PCM1: variants seen among roughly 807,000 people sequenced by gnomAD.
The protein encoded by PCM1 is pericentriolar material 1.
Under a neutral mutation model 241.9 loss-of-function variants are expected in PCM1, and 157 were observed. The observed-to-expected ratio is 0.65, with a 90% CI of 0.57 to 0.74. The LOEUF (loss-of-function observed/expected upper bound fraction) is 0.74, where lower values mean the gene tolerates loss of function less well. PCM1 is among the 30% of genes least tolerant of loss of function. PCM1 has a pLI of 0.00. For missense variants in PCM1, 3,478 were observed against 2,360.1 expected (o/e 1.47, Z -9.81); for synonymous variants, 1,085 against 784.9 (o/e 1.38, Z -6.39).
Position 17,960,383 on chromosome 8 carries a change from A to G in PCM1, c.2261A>G (p.Lys754Arg), listed in dbSNP as rs2071129403. 6.2e-7 allele frequency: 1 copy of G among 1,609,270 alleles called. No individual in the cohort carries two copies. Among genetic ancestry groups the G allele is most frequent in the South Asian group, 1.1e-5 (1 of 89,718 alleles). ...CTAAAACAATTGCAGGAAGAAAGAAAGAAACTGATTGACATTCAGGAGAAA... is the reference window on the plus strand; with the variant it reads ...CTAAAACAATTGCAGGAAGAAAGAAGGAAACTGATTGACATTCAGGAGAAA... The part of the protein sequence containing the change: ...RELKQLQEER[K>R]KLIDIQEKIQ... The change falls in exon 15 of 39, where the codon AAG becomes AGG. Residue 754 changes from lysine (K) to arginine (R), a missense_variant. Coordinates refer to ENST00000325083, the MANE Select transcript of PCM1 (RefSeq NM_006197.4).
rs1321934197 is a variant in PCM1 at position 17,955,546 on chromosome 8, T to C, written c.1365T>C (p.Asn455=). The C allele has an allele frequency of 6.2e-7, 1 of 1,613,770 alleles. No individual in the cohort carries two copies. Among genetic ancestry groups the C allele is most frequent in the Non-Finnish European group, 8.5e-7 (1 of 1,179,720 alleles). Residue 455 remains asparagine, a synonymous_variant, in exon 10 of 39, where the codon AAT becomes AAC. Coordinates refer to ENST00000325083, the MANE Select transcript of PCM1 (RefSeq NM_006197.4). ...CTGTAGGCTTGGCACCGGTTGTCAA[T>C]GGAGAATCCAATAGCCTCACATCAT... ...SASVGLAPVV[N]GESNSLTSSV...
At chr8:17,950,552 C>G in intron 7 of PCM1, 63 bp from the exon 8 acceptor site, 2 of 818,878 alleles carry the variant, frequency 2.4e-6, no homozygotes, top group Non-Finnish European at 3.9e-6. Context: ...TTTTTAGCTT[C>G]TCAGAGATTA....
At chr8:17,927,662 T>C in intron 2 of PCM1, 1 of 152,316 alleles carries the variant, frequency 6.6e-6, no homozygotes, top group Non-Finnish European at 1.5e-5. Context: ...GTGATTCTCC[T>C]GCCTCAGCCT....
chr8:17,945,781 A>G (rs970874269), intron 6 of PCM1, among the ~76,000 whole-genome samples: 4 of 150,916 alleles, frequency 2.7e-5, no homozygotes, highest in Non-Finnish European at 5.9e-5. Context: ...GCAAGTGTAG[A>G]TCAGTGCATT....
chr8:18,021,188 C>T (rs1300384901), intron 36 of PCM1, among the ~76,000 whole-genome samples: 1 of 152,104 alleles, frequency 6.6e-6, no homozygotes, highest in African/African-American at 2.4e-5. Context: ...CAGTGAAGGC[C>T]CAGACAGCCA....
At chr8:17,993,979 T>C (rs2085696033) in intron 29 of PCM1, among the ~76,000 whole-genome samples, 1 of 152,180 alleles carries the variant, frequency 6.6e-6, no homozygotes, top group Non-Finnish European at 1.5e-5. Flanking sequence ...CAATATGTAA[T>C]AATCACATCA....
intron 32 of PCM1, 55 bp downstream of exon 32, chr8:18,010,723 C>G (rs1564365379): frequency 1.5e-6 from 2 of 1,311,770 alleles, no homozygotes; most frequent in South Asian, 1.3e-5. Context: ...TGGCTCACCC[C>G]CGTAATCGCA....
chr8:17,972,451 C>T lies in PCM1; in HGVS notation c.3707C>T (p.Thr1236Ile). The T allele has an allele frequency of 6.2e-7, 1 of 1,613,152 alleles. No homozygotes were observed. Among genetic ancestry groups the T allele is most frequent in the Non-Finnish European group, 8.5e-7 (1 of 1,179,514 alleles). The change falls in exon 23 of 39, where the codon ACA becomes ATA. Residue 1236 changes from threonine to isoleucine, a missense_variant. Coordinates refer to ENST00000325083, the MANE Select transcript of PCM1 (RefSeq NM_006197.4). The part of the protein sequence containing the change: ...TGFSVSVEKS[T>I]SSNRKNQLDT... ...TTTTCAGTGTCTGTAGAAAAATCTACAAGTAGTAACCGCAAAAATCAATTA... is the reference window on the plus strand; with the variant it reads ...TTTTCAGTGTCTGTAGAAAAATCTATAAGTAGTAACCGCAAAAATCAATTA...
rs1236372656 is a variant in PCM1 at position 17,993,849 on chromosome 8, CATT to C, written c.4827+234_4827+236del. Among the ~76,000 whole-genome samples the C allele has an allele frequency of 2.0e-5, 3 of 152,066 alleles. No individual in the cohort carries two copies. The East Asian group carries it at 5.8e-4, about 29-fold the overall frequency. Reference sequence around the variant, plus strand: ...CTATATCATAAACTTCTTTCTAGATCATTATTTTTCTGCTGCATTTTTTCAGGA... The same window carrying C: ...CTATATCATAAACTTCTTTCTAGATCATTTTTCTGCTGCATTTTTTCAGGA... On this transcript the variant is annotated intron_variant, in intron 29 of 38. Transcript: ENST00000325083.
chr8:17,953,575 A>G (rs756420767), intron 9 of PCM1, among the ~76,000 whole-genome samples: 11 of 152,216 alleles, frequency 7.2e-5, no homozygotes, highest in East Asian at 1.9e-4. Context: ...ACTGTGAAAC[A>G]TAGTGTGTAT....
intron 30 of PCM1, 100 bp downstream of exon 30, chr8:18,006,497 C>G (rs901399951): frequency 1.9e-5 from 14 of 735,000 alleles, no homozygotes; most frequent in African/African-American, 3.5e-5. Flanking sequence ...ACAATTTATT[C>G]TGGTGGACAT....
intron 24 of PCM1, chr8:17,983,275 G>A (rs1224468702): frequency 7.6e-7 from 1 of 1,324,312 alleles, no homozygotes; most frequent in African/African-American, 1.5e-5. Context: ...AGAAATGCAT[G>A]CAATGAAGCG....
At chr8:18,016,649 A>C (rs2093239636) in intron 36 of PCM1, among the ~76,000 whole-genome samples, 2 of 152,212 alleles carry the variant, frequency 1.3e-5, no homozygotes, top group South Asian at 4.1e-4. Context: ...TAAGCAGTGA[A>C]TTGACAACCA....
intron 13 of PCM1, among the ~76,000 whole-genome samples, chr8:17,958,550 A>G (rs555796433): frequency 2.0e-5 from 3 of 152,262 alleles, no homozygotes; most frequent in Non-Finnish European, 4.4e-5. Flanking sequence ...CCGTGTAACT[A>G]TTAACACATT....
rs1366876666 is a variant in PCM1, at chr8:17,956,629, T to C, written c.1498T>C (p.Leu500=). The C allele has an allele frequency of 1.9e-6, 3 of 1,597,108 alleles. No homozygotes were observed. The highest frequency in any genetic ancestry group is 1.7e-5 in the Admixed American group (1 of 57,980). Reference sequence around the variant, plus strand: ...GAAGTTAAATGAAGTTCGAAAGAGATTGAATGAGCTAAGAGAATTAGTTCA... The same window carrying C: ...GAAGTTAAATGAAGTTCGAAAGAGACTGAATGAGCTAAGAGAATTAGTTCA... ...LQKLNEVRKR[L]NELRELVHYY... Residue 500 remains leucine, a synonymous_variant, in exon 11 of 39, where the codon TTG becomes CTG. Coordinates refer to ENST00000325083, the MANE Select transcript of PCM1 (RefSeq NM_006197.4).
chr8:18,020,318 C>T lies in PCM1; in HGVS notation c.5842-5043C>T, dbSNP rs566267006. ...ACAGCAGCAGCTAAATTGATAGGAA[C>T]TTTATCTGACCTAGTATTAGGGAAT... On this transcript the variant is annotated intron_variant, in intron 36 of 38. Coordinates refer to ENST00000325083, the MANE Select transcript of PCM1 (RefSeq NM_006197.4). Among the ~76,000 whole-genome samples the T allele has an allele frequency of 9.7e-4, 147 of 152,300 alleles. 1 individual carries two copies. Among genetic ancestry groups the T allele is most frequent in the African/African-American group, 3.4e-3 (140 of 41,572 alleles).
intron 29 of PCM1, among the ~76,000 whole-genome samples, chr8:18,002,835 G>T (rs2090068429): frequency 8.3e-6 from 1 of 120,858 alleles, no homozygotes; most frequent in African/African-American, 5.9e-5. Context: ...GTGATGATGA[G>T]CATTTCTTCA....
intron 6 of PCM1, among the ~76,000 whole-genome samples, chr8:17,943,915 G>A (rs964313577): frequency 6.6e-6 from 1 of 152,086 alleles, no homozygotes; most frequent in Non-Finnish European, 1.5e-5. Flanking sequence ...GAGACTTAAC[G>A]CATGATATGA....
At chr8:17,937,849 T>C (rs2060852129) in intron 4 of PCM1, among the ~76,000 whole-genome samples, 1 of 152,178 alleles carries the variant, frequency 6.6e-6, no homozygotes, top group Admixed American at 6.5e-5. Flanking sequence ...GATATTTTAC[T>C]CTTAGATCTA....
Sources: allele counts gnomAD v4.1 joint callset (sites outside exome capture counted in the v4.1 genomes callset), GRCh38; gene constraint gnomAD v4.1.1; transcripts MANE v1.5; gene names NCBI Gene and HGNC (gene_info 2026-07-23, HGNC 2026-07-21).